The following USP24 variants were observed in gnomAD, a reference collection of about 807,000 sequenced individuals.
The protein encoded by USP24 is ubiquitin carboxyl-terminal hydrolase 24.
In USP24, 97 loss-of-function variants were observed where a neutral mutation model predicts 361.6. That is an observed-to-expected ratio of 0.27 (90% CI 0.23 to 0.32). USP24 has a LOEUF of 0.32. Ranked by LOEUF, USP24 falls within the 10% of genes least tolerant of loss-of-function variation. The probability of loss-of-function intolerance (pLI) is 1.00; values close to 1 mark genes in which losing one functional copy is unlikely to be tolerated. For missense variants in USP24, 2,353 were observed against 3,165.6 expected (o/e 0.74, Z 6.16); for synonymous variants, 1,098 against 1,124.6 (o/e 0.98, Z 0.47).
intron 8 of USP24, among the ~76,000 whole-genome samples, chr1:55,160,225 G>A (rs1337609308): frequency 2.0e-5 from 3 of 152,140 alleles, no homozygotes; most frequent in Non-Finnish European, 4.4e-5. Flanking sequence ...TTCCATCTAA[G>A]TAAGAAAATA....
chr1:55,094,104 GA>G lies in USP24; in HGVS notation c.6204-18del. The G allele has an allele frequency of 6.2e-7, 1 of 1,606,154 alleles. No homozygotes were observed. On this transcript the variant is annotated intron_variant, in intron 51 of 67. Coordinates refer to ENST00000294383, the MANE Select transcript of USP24 (RefSeq NM_015306.3). ...GGAGCTGACCTAAGAGATAGAATCAGAAAACTCTGTCTAGTATAAAGTGGCT... is the reference window on the plus strand; with the variant it reads ...GGAGCTGACCTAAGAGATAGAATCAGAAACTCTGTCTAGTATAAAGTGGCT...
At chr1:55,194,132 C>G (rs1267751959) in intron 1 of USP24, among the ~76,000 whole-genome samples, 1 of 152,176 alleles carries the variant, frequency 6.6e-6, no homozygotes, top group Admixed American at 6.5e-5. Context: ...AACTTATTTT[C>G]TTCCAAAGCA....
chr1:55,067,972 TTAATTAG>T lies in USP24; in HGVS notation c.*1066_*1072del, dbSNP rs1644851456. The stretch of plus-strand genomic sequence containing the variant: ...TTAAACCTTGACTGACTTTTCAGTG[TTAATTAG>T]TCATGTTGAGGAGAAACAAATTCTC... On this transcript the variant is annotated 3_prime_UTR_variant, in exon 68 of 68. Coordinates refer to ENST00000294383, the MANE Select transcript of USP24 (RefSeq NM_015306.3). 1 of 152,252 alleles carries T rather than the reference TTAATTAG, an allele frequency of 6.6e-6. No homozygotes were observed. Among genetic ancestry groups the T allele is most frequent in the South Asian group, 2.1e-4 (1 of 4,830 alleles). The allele number at this position is 152,252 out of a possible 1,614,324, so 9.4% of individuals were successfully genotyped here. A position where few individuals can be genotyped will look rare whatever the true frequency, so the allele number is the denominator to read the frequency against.
At position 55,159,820 on chromosome 1, in the gene USP24, TAACTAGCTAATAC is replaced by T. The variant is rs940342952; in HGVS notation, c.994-148_994-136del. 7.3e-5 allele frequency: 53 copies of T among 725,796 alleles called. 1 individual carries two copies. In the African/African-American group the frequency reaches 7.9e-4, roughly 11 times the overall value. 45.0% of individuals were successfully genotyped at this position (725,796 alleles called of 1,614,324 possible). ...AAAATTTTCATATCAGAGCAGCTAC[TAACTAGCTAATAC>T]TGCCAAATAAACCCTTAACTGACTC... On this transcript the variant is annotated intron_variant, in intron 8 of 67. Coordinates refer to ENST00000294383, the MANE Select transcript of USP24 (RefSeq NM_015306.3).
At chr1:55,145,954 T>C (rs753332883) in intron 20 of USP24, 44 bp downstream of exon 20, 2 of 1,340,986 alleles carry the variant, frequency 1.5e-6, no homozygotes, top group South Asian at 1.2e-5. Flanking sequence ...ATAACACTTC[T>C]TACTTAAAAG....
chr1:55,123,114 C>G (rs1646329490), intron 36 of USP24, among the ~76,000 whole-genome samples: 1 of 152,144 alleles, frequency 6.6e-6, no homozygotes, highest in African/African-American at 2.4e-5. Flanking sequence ...ATACTAGAGT[C>G]ATTATCAGGA....
chr1:55,107,851 A>AAC (rs201364959), intron 39 of USP24, among the ~76,000 whole-genome samples: 4,233 of 142,908 alleles, frequency 0.03, 96 homozygotes, highest in African/African-American at 0.046. Flanking sequence ...CAAAAAAAAA[A>AAC]AAAAAAAAAA....
intron 2 of USP24, 71 bp downstream of exon 2, chr1:55,177,895 CA>C (rs1650149463): frequency 7.1e-7 from 1 of 1,416,700 alleles, no homozygotes; most frequent in African/African-American, 1.5e-5. Flanking sequence ...TAGGCAACAA[CA>C]AAGGCTAAGA....
intron 12 of USP24, among the ~76,000 whole-genome samples, chr1:55,155,005 C>T (rs1224554731): frequency 2.0e-5 from 3 of 150,464 alleles, no homozygotes; most frequent in Non-Finnish European, 3.0e-5. Context: ...TTCTTTAAAC[C>T]GACAATGAAA....
rs1645101484 is a variant in USP24 at position 55,079,610 on chromosome 1, G to A, written c.7128C>T (p.Ser2376=). 2 of 1,550,996 alleles carry A rather than the reference G, an allele frequency of 1.3e-6. No individual in the cohort carries two copies. The highest frequency in any genetic ancestry group is 8.6e-7 in the Non-Finnish European group (1 of 1,158,580). The stretch of plus-strand genomic sequence containing the variant: ...CCTCCTCATGGAGGGGCAACAGAGG[G>A]CTTGAGGGAGCAATGCTAATGGGTG... The part of the protein sequence containing the change: ...QRPPISIAPS[S]PLLPLHEEVE... The change falls in exon 60 of 68, where the codon AGC becomes AGT. Residue 2376 remains serine (S), a synonymous_variant. Coordinates refer to ENST00000294383, the MANE Select transcript of USP24 (RefSeq NM_015306.3).
chr1:55,087,879 T>G (rs1316462696), intron 55 of USP24, among the ~76,000 whole-genome samples: 2 of 152,156 alleles, frequency 1.3e-5, no homozygotes, highest in Non-Finnish European at 2.9e-5. Flanking sequence ...CCACTTACTA[T>G]GTGAAGAGGG....
intron 7 of USP24, among the ~76,000 whole-genome samples, chr1:55,165,400 T>G (rs935888256): frequency 4.6e-5 from 7 of 152,118 alleles, no homozygotes; most frequent in African/African-American, 1.7e-4. Context: ...GAAGTTGATA[T>G]GAACACTGCA....
At chr1:55,093,153 C>T (rs950519998) in intron 52 of USP24, among the ~76,000 whole-genome samples, 4 of 152,158 alleles carry the variant, frequency 2.6e-5, no homozygotes, top group Admixed American at 2.0e-4. Context: ...TTGGGAAATT[C>T]AGGTAAACTG....
At chr1:55,185,593 C>T (rs551973894) in intron 1 of USP24, among the ~76,000 whole-genome samples, 2 of 152,210 alleles carry the variant, frequency 1.3e-5, no homozygotes, top group East Asian at 3.9e-4. Flanking sequence ...CAGAGTCTTG[C>T]TCTGTCATCC....
intron 41 of USP24, among the ~76,000 whole-genome samples, chr1:55,104,340 C>G (rs1428296770): frequency 6.6e-6 from 1 of 152,084 alleles, no homozygotes; most frequent in Non-Finnish European, 1.5e-5. Context: ...GAATAACTGT[C>G]TTTCAAATAA....
At chr1:55,199,618 TGTGTGA>T (rs763985137) in intron 1 of USP24, among the ~76,000 whole-genome samples, 1 of 105,356 alleles carries the variant, frequency 9.5e-6, no homozygotes, top group African/African-American at 3.2e-5. Context: ...TGTGTGTGTG[TGTGTGA>T]GAGAGAGAGA....
intron 21 of USP24, 78 bp downstream of exon 21, chr1:55,144,049 A>G (rs963591092): frequency 2.4e-6 from 3 of 1,234,178 alleles, no homozygotes; most frequent in Non-Finnish European, 2.2e-6. Context: ...TCTCTCAATT[A>G]TAACACTTTT....
In USP24 at chr1:55,099,807, A is replaced by T. The variant is rs750638045; in HGVS notation, c.5334T>A (p.Phe1778Leu). 1 of 1,560,304 alleles carries T rather than the reference A, an allele frequency of 6.4e-7. No homozygotes were observed. Among genetic ancestry groups the T allele is most frequent in the East Asian group, 2.4e-5 (1 of 42,246 alleles). ...VREQQDAYEFFTSLIDQMDEY... is the reference protein window; with the variant it reads ...VREQQDAYEFLTSLIDQMDEY... ...CATCCATCTGATCAATGAGACTAGT[A>T]AAGAATTCATATGCATCCTGCTGTT... Residue 1778 changes from phenylalanine to leucine, a missense_variant, in exon 45 of 68, where the codon TTT becomes TTA. Coordinates refer to ENST00000294383, the MANE Select transcript of USP24 (RefSeq NM_015306.3).
At chr1:55,069,774 A>G (rs545498113) in intron 67 of USP24, among the ~76,000 whole-genome samples, 1 of 142,754 alleles carries the variant, frequency 7.0e-6, no homozygotes, top group Non-Finnish European at 1.5e-5. Flanking sequence ...TGGGAGGCTG[A>G]GGCAAGGAGA....
Sources: allele counts gnomAD v4.1 joint callset (sites outside exome capture counted in the v4.1 genomes callset), GRCh38; gene constraint gnomAD v4.1.1; transcripts MANE v1.5; gene names NCBI Gene and HGNC (gene_info 2026-07-23, HGNC 2026-07-21).